Variants in CCDC158 observed in about 807,000 individuals in gnomAD.
CCDC158 encodes the protein coiled-coil domain-containing protein 158.
Under a neutral mutation model 138.6 loss-of-function variants are expected in CCDC158, and 116 were observed. That is an observed-to-expected ratio of 0.84 (90% CI 0.72 to 0.98). The LOEUF is 0.98. Ranked by LOEUF, CCDC158 falls within the 50% of genes least tolerant of loss-of-function variation. CCDC158 has a pLI of 0.00. For missense variants in CCDC158, 1,265 were observed against 1,306.1 expected, an observed-to-expected ratio of 0.97 and a Z score of 0.48; for synonymous variants, 436 against 442.4, an observed-to-expected ratio of 0.99 and a Z score of 0.18.
intron 18 of CCDC158, among the ~76,000 whole-genome samples, chr4:76,350,457 T>A (rs1722942420): frequency 6.6e-6 from 1 of 152,216 alleles, no homozygotes; most frequent in Non-Finnish European, 1.5e-5. Flanking sequence ...AAGGGATTTG[T>A]GGTTTCATAA....
At chr4:76,409,951 G>C (rs1393379235) in intron 2 of CCDC158, among the ~76,000 whole-genome samples, 1 of 151,850 alleles carries the variant, frequency 6.6e-6, no homozygotes, top group East Asian at 1.9e-4. Context: ...CACAAAGAGG[G>C]AACTTTTGGA....
chr4:76,397,878 G>A (rs1727971564), intron 3 of CCDC158, among the ~76,000 whole-genome samples: 1 of 152,142 alleles, frequency 6.6e-6, no homozygotes, highest in South Asian at 2.1e-4. Context: ...AAAGGAACAA[G>A]GGCTTCCTAG....
chr4:76,358,531 T>G (rs1347261643), intron 13 of CCDC158, among the ~76,000 whole-genome samples: 1 of 152,322 alleles, frequency 6.6e-6, no homozygotes, highest in East Asian at 1.9e-4. Context: ...TTAGCCCTCA[T>G]TCGTTTCACT....
intron 15 of CCDC158, among the ~76,000 whole-genome samples, chr4:76,354,965 T>A (rs1332834966): frequency 6.6e-6 from 1 of 152,252 alleles, no homozygotes; most frequent in Admixed American, 6.5e-5. Context: ...TTTGTTAGTG[T>A]GGTGCTCCTG....
At chr4:76,419,873 C>G (rs935579298) in intron 1 of CCDC158, among the ~76,000 whole-genome samples, 1 of 149,580 alleles carries the variant, frequency 6.7e-6, no homozygotes, top group Non-Finnish European at 1.5e-5. Flanking sequence ...GGCCATCTAG[C>G]TGGGGGACGG....
chr4:76,389,608 A>G (rs995004007), intron 4 of CCDC158, among the ~76,000 whole-genome samples: 18 of 152,176 alleles, frequency 1.2e-4, no homozygotes, highest in African/African-American at 4.3e-4. Flanking sequence ...TTCAACTACA[A>G]GAAGGTTACA....
chr4:76,350,884 A>G (rs1722975254), intron 18 of CCDC158, 112 bp downstream of exon 18: 1 of 909,552 alleles, frequency 1.1e-6, no homozygotes, highest in African/African-American at 1.7e-5. Context: ...AAAATCTAGT[A>G]ATTGAAAATG....
At chr4:76,382,023 A>G (rs773169557) in intron 8 of CCDC158, among the ~76,000 whole-genome samples, 1 of 152,212 alleles carries the variant, frequency 6.6e-6, no homozygotes, top group Non-Finnish European at 1.5e-5. Flanking sequence ...GATATTTGGG[A>G]TATTACAAAT....
intron 1 of CCDC158, among the ~76,000 whole-genome samples, chr4:76,412,568 A>G (rs527482872): frequency 2.6e-5 from 4 of 152,312 alleles, no homozygotes; most frequent in African/African-American, 9.6e-5. Flanking sequence ...CAAGACCAAC[A>G]TGGGGAAACC....
At chr4:76,351,379 G>A (rs1370077913) in intron 17 of CCDC158, among the ~76,000 whole-genome samples, 1 of 151,982 alleles carries the variant, frequency 6.6e-6, no homozygotes, top group South Asian at 2.1e-4. Context: ...TTGCACTTAG[G>A]GTTTTGTACT....
intron 9 of CCDC158, among the ~76,000 whole-genome samples, chr4:76,377,892 C>T (rs1259436116): frequency 3.3e-5 from 5 of 152,126 alleles, no homozygotes; most frequent in African/African-American, 1.2e-4. Context: ...TAGTGAGCTT[C>T]AAATAAGCAT....
At chr4:76,420,888 C>A (rs1001515807) in intron 1 of CCDC158, among the ~76,000 whole-genome samples, 77 bp downstream of exon 1, 2 of 152,176 alleles carry the variant, frequency 1.3e-5, no homozygotes, top group Non-Finnish European at 2.9e-5. Context: ...GAAATGAACA[C>A]GAGTCGCTCC....
intron 2 of CCDC158, among the ~76,000 whole-genome samples, chr4:76,408,662 T>A (rs1729038259): frequency 6.6e-6 from 1 of 152,228 alleles, no homozygotes; most frequent in Admixed American, 6.5e-5. Context: ...TTCATGTGTC[T>A]TTATAGCCGC....
upstream of CCDC158, among the ~76,000 whole-genome samples, chr4:76,421,360 C>T (rs558956282): frequency 2.6e-5 from 4 of 152,096 alleles, no homozygotes; most frequent in Non-Finnish European, 4.4e-5. Context: ...TCCCCACCAC[C>T]GCCCGGGCGC....
In CCDC158 at chr4:76,334,141, C is replaced by T. The variant is rs761573901; in HGVS notation, c.2691G>A (p.Lys897=). The change falls in exon 19 of 25, where the codon AAG becomes AAA. Residue 897 remains lysine (K), a synonymous_variant. Transcript: ENST00000682701. ...GTTTCAGGTCCCTTGTTGGATCTTC[C>T]TTCAGTGTGTTAGCTTTTGTAGAGT... ...SHHSTKANTL[K]EDPTRDLKQL... 1.6e-5 allele frequency: 26 copies of T among 1,612,600 alleles called. No homozygotes were observed. In the South Asian group the frequency reaches 2.2e-4, roughly 14 times the overall value.
intron 24 of CCDC158, among the ~76,000 whole-genome samples, chr4:76,320,822 T>A (rs1486471690): frequency 1.3e-5 from 2 of 151,932 alleles, no homozygotes; most frequent in Non-Finnish European, 2.9e-5. Context: ...GAAGATAACA[T>A]CAGAAAAACT....
intron 1 of CCDC158, among the ~76,000 whole-genome samples, chr4:76,420,640 G>A (rs1346847980): frequency 6.6e-6 from 1 of 152,144 alleles, no homozygotes; most frequent in Non-Finnish European, 1.5e-5. Context: ...CCCTGTTCGC[G>A]GCAGCGCGGT....
chr4:76,413,497 A>C (rs1025696153), intron 1 of CCDC158, among the ~76,000 whole-genome samples: 6 of 151,976 alleles, frequency 3.9e-5, no homozygotes, highest in Admixed American at 1.3e-4. Flanking sequence ...AAAAAGGAAA[A>C]GAAAAAAATG....
chr4:76,339,730 A>C (rs1354961878), intron 18 of CCDC158, among the ~76,000 whole-genome samples: 1 of 152,196 alleles, frequency 6.6e-6, no homozygotes, highest in Admixed American at 6.5e-5. Flanking sequence ...CTGGTCAAAG[A>C]GGTCGATTTT....
Sources: allele counts gnomAD v4.1 joint callset (sites outside exome capture counted in the v4.1 genomes callset), GRCh38; gene constraint gnomAD v4.1.1; transcripts MANE v1.5; gene names NCBI Gene and HGNC (gene_info 2026-07-23, HGNC 2026-07-21).